Variants in EML5 observed in about 807,000 individuals in gnomAD.
EML5 encodes EMAP like 5.
A neutral mutation model predicts 250.0 loss-of-function variants in EML5; 120 were observed. That is an observed-to-expected ratio of 0.48 (90% confidence interval 0.41 to 0.56). The LOEUF is 0.56. Ranked by LOEUF, EML5 falls within the 20% of genes least tolerant of loss-of-function variation. The pLI is 0.00. For missense variants in EML5, 2,006 were observed against 2,437.6 expected (o/e 0.82, Z 3.73); for synonymous variants, 771 against 806.5 (o/e 0.96, Z 0.75).
rs776715318 is a variant in EML5 at position 88,681,947 on chromosome 14, T to A, written c.3067A>T (p.Arg1023Ter). 1 of 1,613,624 alleles carries A rather than the reference T, an allele frequency of 6.2e-7. No homozygotes were observed. Among genetic ancestry groups the A allele is most frequent in the South Asian group, 1.1e-5 (1 of 91,024 alleles). Reference protein sequence around the residue: ...CATVSDDKTLRIWDLSPSHCM... With the variant: ...CATVSDDKTL ...TGACTAGGTGAGAGATCCCATATTCTTAAGGTTTTATCATCGCTTACAGTA... is the reference window on the plus strand; with the variant it reads ...TGACTAGGTGAGAGATCCCATATTCATAAGGTTTTATCATCGCTTACAGTA... The change falls in exon 21 of 44, where the codon AGA (arginine) becomes TGA (stop). Residue 1023 changes from arginine (R) to a stop codon, truncating the protein, a stop_gained. Coordinates refer to ENST00000554922, the MANE Select transcript of EML5 (RefSeq NM_183387.3). LOFTEE classifies it high-confidence loss of function.
chr14:88,630,023 ATTTTTTTTTTTT>A lies in EML5; in HGVS notation c.4358-2216_4358-2205del, dbSNP rs58382081. Among the ~76,000 whole-genome samples the A allele has an allele frequency of 4.7e-5, 4 of 84,246 alleles. No homozygotes were observed. In the Admixed American group the frequency reaches 5.9e-4, roughly 12 times the overall value. The allele number at this position is 84,246 out of a possible 152,430, so 55.3% of individuals were successfully genotyped here. A position where few individuals can be genotyped will look rare whatever the true frequency, so the allele number is the denominator to read the frequency against. Reference sequence around the variant, plus strand: ...TTTGATGCAGTATAATAAAAACTGTATTTTTTTTTTTTTTTTTTTTTTTTGAGATGGAGTTTC... The same window carrying A: ...TTTGATGCAGTATAATAAAAACTGTATTTTTTTTTTTTGAGATGGAGTTTC... On this transcript the variant is annotated intron_variant, in intron 33 of 43. Transcript: ENST00000554922.
At chr14:88,647,059 C>T (rs1186386237) in intron 28 of EML5, 104 bp from the exon 29 acceptor site, 4 of 1,107,744 alleles carry the variant, frequency 3.6e-6, no homozygotes, top group Non-Finnish European at 5.2e-6. Flanking sequence ...AAGTTTAATG[C>T]AGACAGCTAT....
At chr14:88,656,610 G>A (rs1471395268) in intron 27 of EML5, among the ~76,000 whole-genome samples, 2 of 151,762 alleles carry the variant, frequency 1.3e-5, no homozygotes, top group African/African-American at 2.4e-5. Flanking sequence ...AGAACTTAAA[G>A]TATAATTAAA....
At chr14:88,768,658 C>T (rs1432013067) in intron 1 of EML5, among the ~76,000 whole-genome samples, 3 of 152,128 alleles carry the variant, frequency 2.0e-5, no homozygotes, top group African/African-American at 4.8e-5. Flanking sequence ...GTGACCCACC[C>T]GCCTGGGCCT....
Position 88,792,334 on chromosome 14 carries a change from T to G in EML5, c.170A>C (p.Tyr57Ser). 1 of 1,564,168 alleles carries G rather than the reference T, an allele frequency of 6.4e-7. No homozygotes were observed. Among genetic ancestry groups the G allele is most frequent in the Non-Finnish European group, 8.6e-7 (1 of 1,156,454 alleles). Residue 57 changes from tyrosine to serine, a missense_variant, in exon 1 of 44, where the codon TAC (tyrosine) becomes TCC (serine). Physicochemically the swap from Tyr to Ser is moderately radical, Grantham distance 144 (BLOSUM62 -2). Around this residue, in one of 7 missense-constraint regions of EML5, gnomAD observed 162 missense variants for 212.2 expected, o/e 0.76. Transcript: ENST00000554922. The surrounding 1 kb of genome is among the most constrained non-coding windows in gnomAD (Gnocchi z 6.9). The stretch of plus-strand genomic sequence containing the variant: ...GATGATGTCGTCGCTGTGGCCCCGG[T>G]AGAACTTCTGCCTGTGCTCCCGCGG... Reference protein sequence around the residue: ...YSPREHRQKFYRGHSDDIISL... With the variant: ...YSPREHRQKFSRGHSDDIISL...
intron 1 of EML5, among the ~76,000 whole-genome samples, chr14:88,784,838 A>C (rs2094534571): frequency 6.6e-6 from 1 of 152,180 alleles, no homozygotes; most frequent in African/African-American, 2.4e-5. Context: ...ATCCTACTGC[A>C]GGGCATATAC....
At chr14:88,721,010 T>G (rs2093581432) in intron 8 of EML5, among the ~76,000 whole-genome samples, 1 of 152,136 alleles carries the variant, frequency 6.6e-6, no homozygotes, top group Non-Finnish European at 1.5e-5. Context: ...AAATTATGAA[T>G]GAACTCCCAT....
chr14:88,769,408 G>A (rs1209458051), intron 1 of EML5, among the ~76,000 whole-genome samples: 1 of 152,126 alleles, frequency 6.6e-6, no homozygotes, highest in South Asian at 2.1e-4. Context: ...AGCAGAAACT[G>A]CTATGCTTCC....
chr14:88,755,513 C>T (rs188992286), intron 1 of EML5, among the ~76,000 whole-genome samples: 140 of 152,158 alleles, frequency 9.2e-4, no homozygotes, highest in African/African-American at 3.2e-3. Context: ...AAAAACAAGA[C>T]AAAGACCTAG....
At position 88,653,259 on chromosome 14, in the gene EML5, C is replaced by T. The variant is rs867937964; in HGVS notation, c.4005-3333G>A. ...TCTGCAAACAGAGACAATTTGACTTCCTCTTTTCCTATTTGAATACCATTT... is the reference window on the plus strand; with the variant it reads ...TCTGCAAACAGAGACAATTTGACTTTCTCTTTTCCTATTTGAATACCATTT... On this transcript the variant is annotated intron_variant, in intron 27 of 43. Transcript: ENST00000554922. Among the ~76,000 whole-genome samples, 13 of 152,280 alleles carry T rather than the reference C, an allele frequency of 8.5e-5. No individual in the cohort carries two copies. In the South Asian group the frequency reaches 2.5e-3, roughly 29 times the overall value.
intron 10 of EML5, among the ~76,000 whole-genome samples, chr14:88,710,412 C>T (rs1269972224): frequency 6.6e-6 from 1 of 152,080 alleles, no homozygotes; most frequent in Non-Finnish European, 1.5e-5. Context: ...ATGAATATTA[C>T]CTGAGTGGAT....
intron 33 of EML5, among the ~76,000 whole-genome samples, chr14:88,630,023 A>ATTTT (rs58382081): frequency 4.3e-4 from 36 of 84,222 alleles, no homozygotes; most frequent in African/African-American, 6.7e-4. Context: ...TAAAAACTGT[A>ATTTT]TTTTTTTTTT....
intron 17 of EML5, 71 bp downstream of exon 17, chr14:88,694,236 C>T: frequency 9.2e-7 from 1 of 1,081,584 alleles, no homozygotes; most frequent in Non-Finnish European, 1.4e-6. Flanking sequence ...ACACACTGCA[C>T]TTAGCTAAAT....
chr14:88,655,243 G>A (rs566435503), intron 27 of EML5, among the ~76,000 whole-genome samples: 2 of 152,252 alleles, frequency 1.3e-5, no homozygotes, highest in African/African-American at 2.4e-5. Context: ...CAATGCTACA[G>A]TAACCAAAAC....
chr14:88,694,307 C>T lies in EML5; in HGVS notation c.2539G>A (p.Gly847Arg). 1.3e-6 allele frequency: 2 copies of T among 1,570,724 alleles called. No individual in the cohort carries two copies. Among genetic ancestry groups the T allele is most frequent in the Non-Finnish European group, 1.7e-6 (2 of 1,157,232 alleles). The part of the protein sequence containing the change: ...IKHMKFWRKA[G>R]GGLIGRKGYI... ...GAGTAAAAAAGAAGCACTTTCTTAC[C>T]TGCTTTACGCCAAAATTTCATGTGT... Residue 847 changes from glycine to arginine, a missense_variant and splice_region_variant, in exon 17 of 44, where the codon GGG becomes AGG. This residue lies in a region of EML5 where 1,375 missense variants were observed against 1,590.3 expected (regional missense o/e 0.86). Coordinates refer to ENST00000554922, the MANE Select transcript of EML5 (RefSeq NM_183387.3).
At chr14:88,742,769 C>T (rs372162801) in intron 4 of EML5, among the ~76,000 whole-genome samples, 3 of 151,922 alleles carry the variant, frequency 2.0e-5, no homozygotes, top group African/African-American at 7.3e-5. Flanking sequence ...AAATATTTGT[C>T]AAAAAATAAA....
chr14:88,746,389 A>G, intron 2 of EML5, 106 bp from the exon 3 acceptor site: 1 of 848,146 alleles, frequency 1.2e-6, no homozygotes, highest in Non-Finnish European at 1.9e-6. Context: ...TTTTATAAAC[A>G]TAAAACATAT....
At chr14:88,659,448 G>C (rs1167730226) in intron 25 of EML5, among the ~76,000 whole-genome samples, 1 of 152,154 alleles carries the variant, frequency 6.6e-6, no homozygotes, top group Non-Finnish European at 1.5e-5. Context: ...CTGACCTCAG[G>C]TGATCCACCT....
At chr14:88,700,054 T>C (rs2093173518) in intron 14 of EML5, among the ~76,000 whole-genome samples, 1 of 152,204 alleles carries the variant, frequency 6.6e-6, no homozygotes, top group Non-Finnish European at 1.5e-5. Context: ...TGGCAGCCAG[T>C]CTGAGTTATC....
Sources: allele counts gnomAD v4.1 joint callset (sites outside exome capture counted in the v4.1 genomes callset), GRCh38; gene constraint gnomAD v4.1.1; regional missense constraint gnomAD v4.1.1; non-coding constraint Gnocchi (gnomAD v3.1); transcripts MANE v1.5; gene names NCBI Gene and HGNC (gene_info 2026-07-23, HGNC 2026-07-21).